Variants in MAGI1 observed in about 807,000 individuals in gnomAD.
MAGI1 encodes the protein membrane associated guanylate kinase, WW and PDZ domain containing 1.
Under a neutral mutation model 139.9 loss-of-function variants are expected in MAGI1, and 58 were observed. The ratio of observed to expected loss-of-function variants is 0.41; its 90% CI spans 0.34 to 0.52. The LOEUF is 0.52. Ranked by LOEUF, MAGI1 falls within the 20% of genes least tolerant of loss-of-function variation. The pLI, the probability that MAGI1 is intolerant of heterozygous loss-of-function variation, is 0.12. For synonymous variants in MAGI1, 812 were observed against 737.9 expected (o/e 1.10, Z -1.63); for missense variants, 1,874 against 1,901.6 (o/e 0.99, Z 0.27).
At chr3:65,810,028 C>A (rs532325021) in intron 1 of MAGI1, among the ~76,000 whole-genome samples, 3 of 151,946 alleles carry the variant, frequency 2.0e-5, no homozygotes, top group Non-Finnish European at 4.4e-5. Context: ...ACACACTTCT[C>A]TATCATTTTC....
intron 1 of MAGI1, among the ~76,000 whole-genome samples, chr3:65,903,838 T>G (rs1010188901): frequency 2.6e-5 from 4 of 151,960 alleles, no homozygotes; most frequent in African/African-American, 7.3e-5. Context: ...TGAAACCCTG[T>G]CTCTACTAAA....
At chr3:65,828,661 C>A (rs1408786460) in intron 1 of MAGI1, among the ~76,000 whole-genome samples, 2 of 152,314 alleles carry the variant, frequency 1.3e-5, no homozygotes, top group East Asian at 3.9e-4. Flanking sequence ...ACGTTCTCAT[C>A]TGCACAACTG....
intron 2 of MAGI1, among the ~76,000 whole-genome samples, chr3:65,521,255 T>C (rs1325747063): frequency 6.6e-6 from 1 of 152,172 alleles, no homozygotes; most frequent in African/African-American, 2.4e-5. Flanking sequence ...TTTTTAACAA[T>C]AAAACTCTTT....
chr3:65,669,572 A>G (rs1475693652), intron 1 of MAGI1, among the ~76,000 whole-genome samples: 2 of 152,166 alleles, frequency 1.3e-5, no homozygotes, highest in Admixed American at 6.5e-5. Context: ...TTTTGCTTTG[A>G]CTAAACCACT....
Position 65,516,718 on chromosome 3 carries a change from C to CTT in MAGI1, c.431-23089_431-23088dup, listed in dbSNP as rs71102867. On this transcript the variant is annotated intron_variant, in intron 2 of 22. Transcript: ENST00000402939. ...GGAAGAAACATAGTACATCCCACCT[C>CTT]TTTTTTTTTTTTTTTTTTTTTTTTT... 3.9e-4 allele frequency among the ~76,000 whole-genome samples: 26 copies of CTT among 66,998 alleles called. 3 individuals are homozygous for CTT. Among genetic ancestry groups the CTT allele is most frequent in the African/African-American group, 6.8e-4 (12 of 17,576 alleles). The allele number at this position is 66,998 out of a possible 152,430, so 44.0% of individuals were successfully genotyped here.
intron 1 of MAGI1, among the ~76,000 whole-genome samples, chr3:65,910,319 T>TC (rs1457481334): frequency 6.6e-6 from 1 of 152,012 alleles, no homozygotes; most frequent in Non-Finnish European, 1.5e-5. Flanking sequence ...AGATCTTTTA[T>TC]CCCCCCATGA....
chr3:65,711,533 C>T (rs1045877695), intron 1 of MAGI1, among the ~76,000 whole-genome samples: 2 of 152,056 alleles, frequency 1.3e-5, no homozygotes, highest in Non-Finnish European at 2.9e-5. Context: ...TTTTGTCCCC[C>T]CAAAATTCAT....
chr3:65,570,972 C>A (rs1011135869), intron 2 of MAGI1, among the ~76,000 whole-genome samples: 5 of 152,136 alleles, frequency 3.3e-5, no homozygotes, highest in Admixed American at 3.3e-4. Context: ...TCTGTAGAAA[C>A]GGAGGCTTAC....
At chr3:65,472,108 G>A (rs2107588391) in intron 4 of MAGI1, among the ~76,000 whole-genome samples, 1 of 152,266 alleles carries the variant, frequency 6.6e-6, no homozygotes, top group South Asian at 2.1e-4. Flanking sequence ...TTGCACCCAA[G>A]AGTGCAGATT....
At chr3:65,403,467 C>CT (rs1945074657) in intron 12 of MAGI1, among the ~76,000 whole-genome samples, 1 of 151,984 alleles carries the variant, frequency 6.6e-6, no homozygotes, top group Non-Finnish European at 1.5e-5. Context: ...ATATGATTCC[C>CT]TTAAGAAATT....
At chr3:65,655,480 T>C (rs1321878389) in intron 1 of MAGI1, among the ~76,000 whole-genome samples, 1 of 152,202 alleles carries the variant, frequency 6.6e-6, no homozygotes, top group African/African-American at 2.4e-5. Context: ...CTCCTTCCAC[T>C]GATGGTACAA....
chr3:65,469,967 A>T (rs1353965991), intron 5 of MAGI1: 2 of 147,942 alleles, frequency 1.4e-5, no homozygotes, highest in Non-Finnish European at 3.0e-5. Flanking sequence ...AAAATATTTA[A>T]ATATATAAAA....
intron 2 of MAGI1, among the ~76,000 whole-genome samples, chr3:65,524,796 T>A (rs751282041): frequency 6.6e-6 from 1 of 152,114 alleles, no homozygotes; most frequent in Admixed American, 6.5e-5. Flanking sequence ...ATTCTAACTC[T>A]CTCTCAGCTC....
At chr3:65,564,085 G>A (rs978757411) in intron 2 of MAGI1, among the ~76,000 whole-genome samples, 3 of 151,972 alleles carry the variant, frequency 2.0e-5, no homozygotes, top group Admixed American at 1.3e-4. Flanking sequence ...AAGGGCCATC[G>A]GAGCTCCTGC....
At chr3:65,788,445 T>C (rs951236496) in intron 1 of MAGI1, among the ~76,000 whole-genome samples, 6 of 152,238 alleles carry the variant, frequency 3.9e-5, no homozygotes, top group Non-Finnish European at 8.8e-5. Flanking sequence ...ACCTACATTA[T>C]GACCACTTTC....
chr3:65,814,339 A>G (rs2041470197), intron 1 of MAGI1, among the ~76,000 whole-genome samples: 1 of 152,146 alleles, frequency 6.6e-6, no homozygotes, highest in South Asian at 2.1e-4. Flanking sequence ...TGACTGGTAC[A>G]CAATACTCCA....
At chr3:65,692,684 G>C (rs760635652) in intron 1 of MAGI1, among the ~76,000 whole-genome samples, 2 of 152,118 alleles carry the variant, frequency 1.3e-5, no homozygotes, top group Non-Finnish European at 2.9e-5. Context: ...AAGTGATTGG[G>C]TCATGAGGGC....
Position 65,458,429 on chromosome 3 carries a change from A to C in MAGI1, c.960-5089T>G, listed in dbSNP as rs571529396. Among the ~76,000 whole-genome samples, 13 of 152,044 alleles carry C rather than the reference A, an allele frequency of 8.6e-5. No homozygotes were observed. The South Asian group carries it at 2.3e-3, about 27-fold the overall frequency. ...GATTATACTAATTTACATTCCCAAT[A>C]ACAGTGTGAGAAGGTTTCCTTTTCT... On this transcript the variant is annotated intron_variant, in intron 5 of 22. Coordinates refer to ENST00000402939, the MANE Select transcript of MAGI1 (RefSeq NM_001033057.2).
In MAGI1 at chr3:65,655,756, G is replaced by A. The variant is rs75445890; in HGVS notation, c.314-33668C>T. Among the ~76,000 whole-genome samples, 1,332 of 152,312 alleles carry A rather than the reference G, an allele frequency of 8.7e-3. 13 individuals carry two copies. Among genetic ancestry groups the A allele is most frequent in the African/African-American group, 0.03 (1,265 of 41,570 alleles). On this transcript the variant is annotated intron_variant, in intron 1 of 22. Coordinates refer to ENST00000402939, the MANE Select transcript of MAGI1 (RefSeq NM_001033057.2). ...CCAAGTTCACACAGCTTAGTAAGAG[G>A]TAGAAATTGGATTTGAACTTGAATG...
Sources: allele counts gnomAD v4.1 joint callset (sites outside exome capture counted in the v4.1 genomes callset), GRCh38; gene constraint gnomAD v4.1.1; transcripts MANE v1.5; gene names NCBI Gene and HGNC (gene_info 2026-07-23, HGNC 2026-07-21).